Variants in ANO3 observed in about 807,000 individuals in gnomAD.
ANO3 encodes the protein anoctamin 3.
ANO3 carries 99 observed loss-of-function variants against 144.8 expected under a neutral mutation model. The observed-to-expected ratio is 0.68, with a 90% confidence interval of 0.58 to 0.81. ANO3 has a LOEUF of 0.81. Among genes scored for constraint, ANO3 ranks in the 30% least tolerant of loss-of-function variants. The pLI, the probability that ANO3 is intolerant of heterozygous loss-of-function variation, is 0.00. For missense variants in ANO3, 905 were observed against 1,202.2 expected (o/e 0.75, Z 3.66); for synonymous variants, 414 against 392.6 (o/e 1.05, Z -0.64).
intron 6 of ANO3, 47 bp downstream of exon 6, chr11:26,516,974 A>T: frequency 8.4e-7 from 1 of 1,192,528 alleles, no homozygotes; most frequent in Non-Finnish European, 1.2e-6. Flanking sequence ...TATTAAAATG[A>T]GTCTATCTTT....
chr11:26,285,099 T>TG (rs1853774378), intron 1 of ANO3, among the ~76,000 whole-genome samples: 3 of 149,062 alleles, frequency 2.0e-5, no homozygotes, highest in African/African-American at 7.6e-5. Flanking sequence ...TGTGTACAAT[T>TG]TTTTTTTTTA....
Position 26,371,429 on chromosome 11 carries a change from A to G in ANO3, c.46+39108A>G, listed in dbSNP as rs1856252516. On this transcript the variant is annotated intron_variant, in intron 1 of 26. Coordinates refer to ENST00000256737, the MANE Select transcript of ANO3 (RefSeq NM_031418.4). The stretch of plus-strand genomic sequence containing the variant: ...AGAACCTCTGCAGTGTGGAAAAGAA[A>G]TGTAGGCTTGAAGCCCCCACACAGA... 2.0e-5 allele frequency among the ~76,000 whole-genome samples: 3 copies of G among 152,232 alleles called. No individual in the cohort carries two copies. The South Asian group carries it at 6.2e-4, about 32-fold the overall frequency.
intron 1 of ANO3, among the ~76,000 whole-genome samples, chr11:26,414,346 C>T (rs1857513237): frequency 6.6e-6 from 1 of 151,950 alleles, no homozygotes; most frequent in African/African-American, 2.4e-5. Context: ...AACCTAAATG[C>T]CTATCAACAA....
rs10501060 is a variant in ANO3 at position 26,648,049 on chromosome 11, C to T, written c.2576+193C>T. ...TATTATAGCAAATAATCTTAGAGTC[C>T]GTCTACTGTTTTTACTTGGAAATGC... On this transcript the variant is annotated intron_variant, in intron 24 of 26. Coordinates refer to ENST00000256737, the MANE Select transcript of ANO3 (RefSeq NM_031418.4). Among the ~76,000 whole-genome samples the T allele has an allele frequency of 0.14, 21,175 of 151,772 alleles. 1,922 individuals carry two copies. The highest frequency in any genetic ancestry group is 0.21 in the Non-Finnish European group (14,009 of 67,916).
At chr11:26,654,955 A>G (rs559597498) in intron 24 of ANO3, among the ~76,000 whole-genome samples, 1 of 152,224 alleles carries the variant, frequency 6.6e-6, no homozygotes, top group African/African-American at 2.4e-5. Flanking sequence ...TGGTCATGAG[A>G]TTCATTTGTG....
intron 18 of ANO3, among the ~76,000 whole-genome samples, chr11:26,630,785 T>C (rs1852752607): frequency 6.6e-6 from 1 of 152,184 alleles, no homozygotes; most frequent in Non-Finnish European, 1.5e-5. Flanking sequence ...TGTCCTTGCA[T>C]TGGCCTTGTT....
At chr11:26,656,767 A>G (rs1853702646) in intron 26 of ANO3, among the ~76,000 whole-genome samples, 1 of 152,160 alleles carries the variant, frequency 6.6e-6, no homozygotes, top group South Asian at 2.1e-4. Context: ...CCTTTTAGTA[A>G]CCAAGTTTAA....
Position 26,547,446 on chromosome 11 carries a change from C to A in ANO3, c.1185C>A (p.Tyr395Ter), listed in dbSNP as rs1297461191. The change falls in exon 12 of 27, where the codon TAC (tyrosine) becomes TAA (stop). Residue 395 changes from tyrosine (Y) to a stop codon, truncating the protein, a stop_gained. Transcript: ENST00000256737. LOFTEE classifies it high-confidence loss of function. ...RLYFGEKIGL[Y>*]FAWLGWYTGM... ...ACTTTGGTGAGAAGATTGGACTATA[C>A]TTTGCTTGGCTGGGATGGTATACTG... The A allele has an allele frequency of 1.2e-6, 2 of 1,611,850 alleles. No individual in the cohort carries two copies. Among genetic ancestry groups the A allele is most frequent in the Non-Finnish European group, 1.7e-6 (2 of 1,178,526 alleles).
At chr11:26,563,256 T>C (rs766915190) in intron 14 of ANO3, 1 of 1,596,264 alleles carries the variant, frequency 6.3e-7, no homozygotes, top group Non-Finnish European at 8.5e-7. Flanking sequence ...TATTCCTGTA[T>C]TTCTATTTTC....
At chr11:26,314,363 C>A (rs1390340704) in intron 1 of ANO3, among the ~76,000 whole-genome samples, 1 of 152,152 alleles carries the variant, frequency 6.6e-6, no homozygotes, top group East Asian at 1.9e-4. Flanking sequence ...GAAAACATTA[C>A]TGATCTTATA....
intron 8 of ANO3, 79 bp downstream of exon 8, chr11:26,531,415 C>A: frequency 6.9e-7 from 1 of 1,452,694 alleles, no homozygotes; most frequent in Non-Finnish European, 9.2e-7. Flanking sequence ...CACCTGGGAC[C>A]ATTTCCATTG....
chr11:26,244,976 T>G (rs958716595), intron 1 of ANO3, among the ~76,000 whole-genome samples: 3 of 33,918 alleles, frequency 8.8e-5, no homozygotes, highest in Admixed American at 3.7e-4. Flanking sequence ...GGTCTCCTGG[T>G]GTGTGTGTGT....
intron 1 of ANO3, among the ~76,000 whole-genome samples, chr11:26,378,187 AATAT>A (rs1050810077): frequency 1.2e-4 from 18 of 151,798 alleles, no homozygotes; most frequent in African/African-American, 3.9e-4. Flanking sequence ...CTGGTAAATA[AATAT>A]AAATCTCAAC....
intron 5 of ANO3, among the ~76,000 whole-genome samples, chr11:26,512,832 C>T (rs1231716804): frequency 6.6e-6 from 1 of 152,072 alleles, no homozygotes; most frequent in Admixed American, 6.5e-5. Context: ...GACACAGCAC[C>T]CTCTTCCAGA....
At chr11:26,595,072 A>G (rs556188698) in intron 14 of ANO3, among the ~76,000 whole-genome samples, 18 of 152,340 alleles carry the variant, frequency 1.2e-4, no homozygotes, top group Admixed American at 1.1e-3. Flanking sequence ...TAGGGATGCC[A>G]GGATCCCCAG....
At chr11:26,253,429 G>T (rs993838459) in intron 1 of ANO3, among the ~76,000 whole-genome samples, 1 of 151,890 alleles carries the variant, frequency 6.6e-6, no homozygotes, top group East Asian at 1.9e-4. Flanking sequence ...GGAGGGAGAG[G>T]ATCAGGAAAA....
At position 26,661,512 on chromosome 11, in the gene ANO3, T is replaced by A. The variant is rs2133109009; in HGVS notation, c.*1068T>A. On this transcript the variant is annotated 3_prime_UTR_variant, in exon 27 of 27. Coordinates refer to ENST00000256737, the MANE Select transcript of ANO3 (RefSeq NM_031418.4). ...ACGCTTTTTCAACAATGTGCACTCT[T>A]ACTCATGAACTAATGAAAATAATGC... The A allele has an allele frequency of 6.5e-6, 1 of 152,676 alleles. No homozygotes were observed. The highest frequency in any genetic ancestry group is 2.1e-4 in the South Asian group (1 of 4,828). 9.5% of individuals were successfully genotyped at this position (152,676 alleles called of 1,614,324 possible).
chr11:26,452,739 G>T (rs1278060099), intron 3 of ANO3, among the ~76,000 whole-genome samples: 1 of 152,042 alleles, frequency 6.6e-6, no homozygotes, highest in African/African-American at 2.4e-5. Flanking sequence ...ACACCACAAA[G>T]ATACTCCTCG....
intron 4 of ANO3, among the ~76,000 whole-genome samples, chr11:26,489,085 A>G (rs1431932786): frequency 6.6e-6 from 1 of 152,162 alleles, no homozygotes; most frequent in Non-Finnish European, 1.5e-5. Context: ...AGCTGGCTTC[A>G]CCTCTCACCA....
Sources: gnomAD v4.1 joint callset for allele counts (sites outside exome capture counted in the v4.1 genomes callset) on GRCh38, gnomAD v4.1.1 for gene constraint, MANE v1.5 for transcripts, NCBI Gene and HGNC (gene_info 2026-07-23, HGNC 2026-07-21) for gene names.